ARMCX4: variants seen among roughly 807,000 people sequenced by gnomAD.
The protein encoded by ARMCX4 is armadillo repeat-containing X-linked protein 4.
ARMCX4 carries 3 observed loss-of-function variants against 34.7 expected under a neutral mutation model. That is an observed-to-expected ratio of 0.09 (90% CI 0.04 to 0.22). ARMCX4 has a LOEUF of 0.22. Among genes scored for constraint, ARMCX4 ranks in the 10% least tolerant of loss-of-function variants. The pLI, the probability that ARMCX4 is intolerant of heterozygous loss-of-function variation, is 1.00. For synonymous variants in ARMCX4, 513 were observed against 632.8 expected, an observed-to-expected ratio of 0.81 and a Z score of 2.84; for missense variants, 1,448 against 1,720.8, an observed-to-expected ratio of 0.84 and a Z score of 2.81.
chrX:101,438,965 T>G (rs1931031810), intron 2 of ARMCX4, among the ~76,000 whole-genome samples: 1 of 112,112 alleles, frequency 8.9e-6, no homozygotes, highest in Non-Finnish European at 1.9e-5. Context: ...ATTTAGCCCA[T>G]TTACATTTAA....
intron 7 of ARMCX4, among the ~76,000 whole-genome samples, chrX:101,501,249 A>G (rs1220169654): frequency 8.9e-6 from 1 of 112,812 alleles, no homozygotes; most frequent in Admixed American, 9.3e-5. Flanking sequence ...TAGCAGGTCC[A>G]GGATGCATTT....
chrX:101,433,828 A>G (rs1363395577), intron 2 of ARMCX4, among the ~76,000 whole-genome samples: 4 of 111,874 alleles, frequency 3.6e-5, no homozygotes, highest in Non-Finnish European at 1.9e-5. Context: ...CATTTGGACT[A>G]TTGGGGCAGA....
rs782386415 is a variant in ARMCX4, at chrX:101,494,784, T to G, written c.6195T>G (p.Ala2065=). ...CTGTTCATGAAATAGCCAATAATGC[T>G]TTATATAACAGTGCTGATTATTCTT... ...DPSVHEIANN[A]LYNSADYSYS... Residue 2065 remains alanine (A), a synonymous_variant, in exon 6 of 6, where the codon GCT becomes GCG. Coordinates refer to ENST00000423738, the MANE Select transcript of ARMCX4 (RefSeq NM_001256155.3). 22 of 1,153,098 alleles carry G rather than the reference T, an allele frequency of 1.9e-5. No homozygotes were observed. The South Asian group carries it at 3.8e-4, about 20-fold the overall frequency.
At chrX:101,480,146 A>G (rs1933376192) in intron 4 of ARMCX4, among the ~76,000 whole-genome samples, 1 of 96,529 alleles carries the variant, frequency 1.0e-5, no homozygotes, top group Admixed American at 1.3e-4. Flanking sequence ...ACACACACAC[A>G]CACACACACA....
intron 2 of ARMCX4, among the ~76,000 whole-genome samples, chrX:101,423,643 T>C (rs1179141073): frequency 9.1e-6 from 1 of 109,631 alleles, no homozygotes; most frequent in African/African-American, 3.3e-5. Context: ...AAAATAAAAA[T>C]AAAAAAGTAT....
rs781864269 is a variant in ARMCX4, at chrX:101,488,501, C to T, written c.-89C>T. 4 of 1,141,370 alleles carry T rather than the reference C, an allele frequency of 3.5e-6. No individual in the cohort carries two copies. The African/African-American group carries it at 7.2e-5, about 21-fold the overall frequency. 94.1% of individuals were successfully genotyped at this position (1,141,370 alleles called of 1,213,427 possible). Reference sequence around the variant, plus strand: ...GAGTGGCTGAAGACCAGCACCCTCACAGGCCTACACCCACAACTACCACTC... The same window carrying T: ...GAGTGGCTGAAGACCAGCACCCTCATAGGCCTACACCCACAACTACCACTC... On this transcript the variant is annotated 5_prime_UTR_variant, in exon 6 of 6. Coordinates refer to ENST00000423738, the MANE Select transcript of ARMCX4 (RefSeq NM_001256155.3).
At position 101,477,289 on chromosome X, in the gene ARMCX4, A is replaced by T. The variant is rs950715112; in HGVS notation, c.-472-8734A>T. ...ACCTCATCTCTACTAAAAATACAAAAATTAGCCCGACATGGTGGCACGCAC... is the reference window on the plus strand; with the variant it reads ...ACCTCATCTCTACTAAAAATACAAATATTAGCCCGACATGGTGGCACGCAC... On this transcript the variant is annotated intron_variant and NMD_transcript_variant, in intron 4 of 15. Coordinates refer to the ARMCX4 transcript ENST00000433011. 3.3e-4 allele frequency among the ~76,000 whole-genome samples: 35 copies of T among 107,423 alleles called. 1 individual carries two copies. Among genetic ancestry groups the T allele is most frequent in the Non-Finnish European group, 4.8e-4 (25 of 52,044 alleles). The allele number at this position is 107,423 out of a possible 115,157, so 93.3% of individuals were successfully genotyped here.
At chrX:101,522,887 G>C (rs782460449) in intron 11 of ARMCX4, among the ~76,000 whole-genome samples, 1 of 112,205 alleles carries the variant, frequency 8.9e-6, no homozygotes, top group Admixed American at 9.5e-5. Flanking sequence ...TAGGAGAAAA[G>C]ACAGAATTAT....
At chrX:101,483,541 T>C (rs1342196215), upstream of ARMCX4, among the ~76,000 whole-genome samples, 7 of 111,848 alleles carry the variant, frequency 6.3e-5, no homozygotes, top group Non-Finnish European at 5.6e-5. Context: ...TCTTTTCATA[T>C]GTTTATTAGT....
intron 11 of ARMCX4, among the ~76,000 whole-genome samples, chrX:101,523,365 G>C (rs1174681835): frequency 9.0e-6 from 1 of 111,674 alleles, no homozygotes; most frequent in Non-Finnish European, 1.9e-5. Flanking sequence ...GGTGGATAGG[G>C]GACAAGGAAA....
intron 11 of ARMCX4, chrX:101,524,455 A>G (rs1934920702): frequency 9.0e-6 from 1 of 111,675 alleles, no homozygotes; most frequent in South Asian, 3.7e-4. Context: ...ACTCACTGGG[A>G]CTGGTTGGAC....
chrX:101,450,130 A>T (rs191067363), downstream of ARMCX4, among the ~76,000 whole-genome samples: 1 of 112,311 alleles, frequency 8.9e-6, no homozygotes, highest in Non-Finnish European at 1.9e-5. Context: ...AGAAAAGTAC[A>T]CCTGTGGCCA....
At chrX:101,532,157 T>C (rs782507618) in intron 12 of ARMCX4, 3 of 111,987 alleles carry the variant, frequency 2.7e-5, no homozygotes, top group East Asian at 2.8e-4. Flanking sequence ...TACGACAAGA[T>C]TGCAATAGAT....
At chrX:101,452,171 G>A (rs1932023476), downstream of ARMCX4, among the ~76,000 whole-genome samples, 1 of 112,200 alleles carries the variant, frequency 8.9e-6, no homozygotes, top group African/African-American at 3.2e-5. Flanking sequence ...GACAATAAAG[G>A]AGGCAGTTGG....
chrX:101,512,927 C>T (rs1556016798), intron 11 of ARMCX4, among the ~76,000 whole-genome samples: 2 of 106,437 alleles, frequency 1.9e-5, no homozygotes, highest in Non-Finnish European at 3.9e-5. Flanking sequence ...GGAGTTGGCT[C>T]ACATAATGGG....
At chrX:101,454,521 C>T (rs1406418044) in intron 4 of ARMCX4, among the ~76,000 whole-genome samples, 3 of 108,414 alleles carry the variant, frequency 2.8e-5, no homozygotes, top group African/African-American at 1.0e-4. Context: ...CTCCTGACCT[C>T]GTGATCCGCC....
intron 8 of ARMCX4, among the ~76,000 whole-genome samples, chrX:101,506,596 C>T (rs1431093188): frequency 9.0e-6 from 1 of 110,924 alleles, no homozygotes; most frequent in Non-Finnish European, 1.9e-5. Flanking sequence ...AAATCAGAAC[C>T]CCACCCTTAT....
At chrX:101,438,036 A>G (rs1930931284) in intron 2 of ARMCX4, among the ~76,000 whole-genome samples, 1 of 111,644 alleles carries the variant, frequency 9.0e-6, no homozygotes, top group Admixed American at 9.6e-5. Flanking sequence ...CAAACTTGTT[A>G]TAATTTCTGT....
intron 7 of ARMCX4, among the ~76,000 whole-genome samples, chrX:101,504,540 C>T (rs782746464): frequency 9.0e-6 from 1 of 110,778 alleles, no homozygotes; most frequent in African/African-American, 3.3e-5. Flanking sequence ...CCTAAGAGCC[C>T]TCCTGCCTAG....
Sources: allele counts gnomAD v4.1 joint callset (sites outside exome capture counted in the v4.1 genomes callset), GRCh38; gene constraint gnomAD v4.1.1; transcripts MANE v1.5; gene names NCBI Gene and HGNC (gene_info 2026-07-23, HGNC 2026-07-21).